Variants in ASXL2 observed in about 807,000 individuals in gnomAD.
ASXL2 encodes the protein ASXL transcriptional regulator 2, also known as putative Polycomb group protein ASXL2.
ASXL2 carries 23 observed loss-of-function variants against 122.0 expected under a neutral mutation model. That is an observed-to-expected ratio of 0.19 (90% CI 0.14 to 0.27). The LOEUF (loss-of-function observed/expected upper bound fraction) is 0.27, where lower values mean the gene tolerates loss of function less well. ASXL2 is among the 10% of genes least tolerant of loss of function. The probability of loss-of-function intolerance (pLI) is 1.00; values close to 1 mark genes in which losing one functional copy is unlikely to be tolerated. For synonymous variants in ASXL2, 650 were observed against 637.0 expected (o/e 1.02, Z -0.31); for missense variants, 1,518 against 1,713.8 (o/e 0.89, Z 2.02).
chr2:25,829,385 T>C lies in ASXL2; in HGVS notation c.143+6153A>G, dbSNP rs554915735. Among the ~76,000 whole-genome samples the C allele has an allele frequency of 3.3e-5, 5 of 152,240 alleles. No individual in the cohort carries two copies. In the South Asian group the frequency reaches 1.0e-3, roughly 32 times the overall value. ...AATACTTATGAATGAATATAAACTATGGGCATGGTTCTGAAAGAACTCAGC... is the reference window on the plus strand; with the variant it reads ...AATACTTATGAATGAATATAAACTACGGGCATGGTTCTGAAAGAACTCAGC... On this transcript the variant is annotated intron_variant, in intron 3 of 12. Transcript: ENST00000435504.
intron 5 of ASXL2, among the ~76,000 whole-genome samples, chr2:25,781,950 C>CTG (rs141598100): frequency 5.0e-5 from 6 of 119,654 alleles, no homozygotes; most frequent in Admixed American, 8.7e-5. Flanking sequence ...GCGTGAGCCA[C>CTG]CGCCCGGGCT....
intron 4 of ASXL2, among the ~76,000 whole-genome samples, chr2:25,801,144 G>C (rs1415153198): frequency 6.6e-6 from 1 of 152,132 alleles, no homozygotes; most frequent in Non-Finnish European, 1.5e-5. Flanking sequence ...GCCCAGGCTG[G>C]TCCTGGATTT....
At position 25,869,478 on chromosome 2, in the gene ASXL2, A is replaced by G. The variant is rs565191293; in HGVS notation, c.57+8688T>C. On this transcript the variant is annotated intron_variant, in intron 1 of 12. Transcript: ENST00000435504. ...AAGAAAGTCTGTCTTAAAGGAGCACAAAGTCTTACTGGCATAGACAGAATT... is the reference window on the plus strand; with the variant it reads ...AAGAAAGTCTGTCTTAAAGGAGCACGAAGTCTTACTGGCATAGACAGAATT... Among the ~76,000 whole-genome samples, 7 of 152,364 alleles carry G rather than the reference A, an allele frequency of 4.6e-5. No individual in the cohort carries two copies. The South Asian group carries it at 1.4e-3, about 32-fold the overall frequency.
chr2:25,853,172 G>A (rs368746798), intron 1 of ASXL2, among the ~76,000 whole-genome samples: 15 of 152,206 alleles, frequency 9.9e-5, no homozygotes, highest in Middle Eastern at 6.8e-3. Flanking sequence ...TACTAGTTCC[G>A]ATTTGATACT....
intron 3 of ASXL2, among the ~76,000 whole-genome samples, chr2:25,811,815 G>A (rs2089174371): frequency 6.6e-6 from 1 of 152,060 alleles, no homozygotes; most frequent in Admixed American, 6.5e-5. Flanking sequence ...ACAGTGGTGC[G>A]ATCTTGGCTT....
In ASXL2 at chr2:25,742,962, T is replaced by C; in HGVS notation, c.3375A>G (p.Leu1125=). 6.2e-7 allele frequency: 1 copy of C among 1,614,014 alleles called. No individual in the cohort carries two copies. Among genetic ancestry groups the C allele is most frequent in the Non-Finnish European group, 8.5e-7 (1 of 1,179,894 alleles). ...CCCGGCCGTAGGTAGAAATATTCAG[T>C]AAGTAGTGCCCTGCCATTGCAGGTT... The part of the protein sequence containing the change: ...TSKPAMAGHY[L]LNISTYGRGS... The change falls in exon 13 of 13, where the codon TTA becomes TTG. Residue 1125 remains leucine, a synonymous_variant. Transcript: ENST00000435504.
chr2:25,835,612 CAAT>C (rs2089501446), intron 2 of ASXL2, 72 bp from the exon 3 acceptor site: 1 of 239,166 alleles, frequency 4.2e-6, no homozygotes, highest in Admixed American at 4.7e-5. Context: ...TACAAAGCAA[CAAT>C]AAAACCAAAA....
chr2:25,873,053 C>T (rs1429341799), intron 1 of ASXL2, among the ~76,000 whole-genome samples: 1 of 152,080 alleles, frequency 6.6e-6, no homozygotes, highest in Non-Finnish European at 1.5e-5. Context: ...GCGGTGTACA[C>T]TGTACCCAAT....
intron 3 of ASXL2, among the ~76,000 whole-genome samples, chr2:25,824,068 A>G (rs988371948): frequency 6.8e-6 from 1 of 146,470 alleles, no homozygotes; most frequent in Non-Finnish European, 1.5e-5. Flanking sequence ...GATTGAAATA[A>G]AACTAAATGT....
intron 1 of ASXL2, among the ~76,000 whole-genome samples, chr2:25,854,904 G>A (rs2089758643): frequency 6.6e-6 from 1 of 152,028 alleles, no homozygotes; most frequent in Non-Finnish European, 1.5e-5. Flanking sequence ...TCTGTCTTGA[G>A]GAGCTGATGT....
At chr2:25,795,163 G>A (rs941134567) in intron 5 of ASXL2, among the ~76,000 whole-genome samples, 2 of 151,918 alleles carry the variant, frequency 1.3e-5, no homozygotes, top group African/African-American at 2.4e-5. Context: ...ACCACACACC[G>A]CCCATTTTCC....
intron 5 of ASXL2, among the ~76,000 whole-genome samples, chr2:25,775,783 C>A (rs1289944709): frequency 6.6e-6 from 1 of 152,060 alleles, no homozygotes; most frequent in Non-Finnish European, 1.5e-5. Context: ...CCTAATACAC[C>A]CTCTCTCAGT....
At chr2:25,771,998 T>A (rs539335890) in intron 5 of ASXL2, among the ~76,000 whole-genome samples, 13 of 152,314 alleles carry the variant, frequency 8.5e-5, no homozygotes, top group African/African-American at 3.1e-4. Context: ...CATTCCTTCA[T>A]CCTTTAAATC....
In ASXL2 at chr2:25,742,688, T is replaced by C; in HGVS notation, c.3649A>G (p.Arg1217Gly). 6.2e-7 allele frequency: 1 copy of C among 1,614,002 alleles called. No homozygotes were observed. Among genetic ancestry groups the C allele is most frequent in the Non-Finnish European group, 8.5e-7 (1 of 1,179,882 alleles). The change falls in exon 13 of 13, where the codon AGG becomes GGG. Residue 1217 changes from arginine to glycine, a missense_variant. Coordinates refer to ENST00000435504, the MANE Select transcript of ASXL2 (RefSeq NM_018263.6). ...CAATCACTGGTAGATAGAGTTTCCC[T>C]GCTGTGAGGTCCTGAACTTGTGTCA... Reference protein sequence around the residue: ...KGDTSSGPHSRETLSTSDCLA... With the variant: ...KGDTSSGPHSGETLSTSDCLA...
At chr2:25,759,364 C>A in intron 9 of ASXL2, 118 bp downstream of exon 9, 2 of 1,114,708 alleles carry the variant, frequency 1.8e-6, no homozygotes, top group African/African-American at 1.6e-5. Flanking sequence ...TTAAAAAAAC[C>A]TGCCTATTAA....
At chr2:25,865,332 G>A (rs2089889112) in intron 1 of ASXL2, among the ~76,000 whole-genome samples, 1 of 151,676 alleles carries the variant, frequency 6.6e-6, no homozygotes, top group African/African-American at 2.4e-5. Context: ...CTTGGGAGGT[G>A]GAAGCACAAA....
Position 25,771,387 on chromosome 2 carries a change from G to A in ASXL2, c.504+53C>T, listed in dbSNP as rs539765763. ...AATATCCGATGACTGCCAGAGGTGT[G>A]CGTTTTAAATACAGGAAATTCTACT... On this transcript the variant is annotated intron_variant, in intron 6 of 12. Transcript: ENST00000435504. 59 of 1,499,372 alleles carry A rather than the reference G, an allele frequency of 3.9e-5. No homozygotes were observed. The Middle Eastern group carries it at 2.1e-3, about 53-fold the overall frequency. The allele number at this position is 1,499,372 out of a possible 1,614,324, so 92.9% of individuals were successfully genotyped here.
chr2:25,867,247 G>A (rs967418478), intron 1 of ASXL2, among the ~76,000 whole-genome samples: 15 of 151,936 alleles, frequency 9.9e-5, no homozygotes, highest in African/African-American at 3.6e-4. Flanking sequence ...AAAAAAAAAT[G>A]AGAATTGTAT....
chr2:25,824,352 A>T (rs976228566), intron 3 of ASXL2, among the ~76,000 whole-genome samples: 1 of 152,208 alleles, frequency 6.6e-6, no homozygotes, highest in African/African-American at 2.4e-5. Context: ...TAGTATGTGC[A>T]GGTGGTATAA....
Sources: gnomAD v4.1 joint callset for allele counts (sites outside exome capture counted in the v4.1 genomes callset) on GRCh38, gnomAD v4.1.1 for gene constraint, MANE v1.5 for transcripts, NCBI Gene and HGNC (gene_info 2026-07-23, HGNC 2026-07-21) for gene names.